The following EML6 variants were observed in gnomAD, a reference collection of about 807,000 sequenced individuals.
EML6 encodes the protein echinoderm microtubule-associated protein-like 6.
EML6 carries 154 observed loss-of-function variants against 240.1 expected under a neutral mutation model. The ratio of observed to expected loss-of-function variants is 0.64; its 90% CI spans 0.56 to 0.73. The LOEUF is 0.73. Among genes scored for constraint, EML6 ranks in the 30% least tolerant of loss-of-function variants. The pLI is 0.00. For missense variants in EML6, 2,964 were observed against 2,474.6 expected (o/e 1.20, Z -4.20); for synonymous variants, 1,148 against 899.0 (o/e 1.28, Z -4.95).
At position 54,892,608 on chromosome 2, in the gene EML6, A is replaced by G. The variant is rs367553815; in HGVS notation, c.2694A>G (p.Thr898=). The change falls in exon 19 of 42, where the codon ACA becomes ACG. Residue 898 remains threonine, a synonymous_variant. Coordinates refer to ENST00000356458, the MANE Select transcript of EML6 (RefSeq NM_001039753.4). ...FIWKDILLLK[T]VKAHDGPVFA... ...GGAAAGACATTCTACTACTGAAGAC[A>G]GTGAAAGCTCATGATGGGCCTGTGT... 331 of 1,551,738 alleles carry G rather than the reference A, an allele frequency of 2.1e-4. No individual in the cohort carries two copies. The highest frequency in any genetic ancestry group is 2.8e-4 in the Non-Finnish European group (318 of 1,146,916).
Position 54,894,899 on chromosome 2 carries a change from A to G in EML6, c.2743-16A>G, listed in dbSNP as rs1278329887. On this transcript the variant is annotated splice_polypyrimidine_tract_variant and intron_variant, in intron 19 of 41. Coordinates refer to ENST00000356458, the MANE Select transcript of EML6 (RefSeq NM_001039753.4). ...TTTTGATGTGTATATAATACCTCTC[A>G]TGTGTGCCTTCACAGGGCTTTGTAA... The G allele has an allele frequency of 2.0e-6, 3 of 1,529,112 alleles. No individual in the cohort carries two copies. Among genetic ancestry groups the G allele is most frequent in the South Asian group, 2.4e-5 (2 of 83,530 alleles). The allele number at this position is 1,529,112 out of a possible 1,614,324, so 94.7% of individuals were successfully genotyped here.
intron 30 of EML6, among the ~76,000 whole-genome samples, chr2:54,952,230 G>A (rs1209191818): frequency 6.6e-6 from 1 of 152,150 alleles, no homozygotes. Flanking sequence ...TGTGGACACT[G>A]AGAAGCACCA....
At chr2:54,765,347 A>G (rs1295321721) in intron 2 of EML6, among the ~76,000 whole-genome samples, 3 of 152,248 alleles carry the variant, frequency 2.0e-5, no homozygotes, top group Admixed American at 1.3e-4. Context: ...TGAATTATCT[A>G]TATCTATAAT....
At chr2:54,898,506 C>G (rs1672889805) in intron 21 of EML6, among the ~76,000 whole-genome samples, 1 of 152,156 alleles carries the variant, frequency 6.6e-6, no homozygotes, top group Non-Finnish European at 1.5e-5. Flanking sequence ...AGGGTGTCCT[C>G]AAATCCAATA....
chr2:54,879,487 G>A (rs1352039057), intron 16 of EML6, 60 bp from the exon 17 acceptor site: 2 of 1,057,988 alleles, frequency 1.9e-6, no homozygotes, highest in African/African-American at 1.6e-5. Flanking sequence ...TCTTTACAGT[G>A]TATGAAATGT....
At chr2:54,861,990 A>G (rs1670698329) in intron 12 of EML6, among the ~76,000 whole-genome samples, 1 of 152,180 alleles carries the variant, frequency 6.6e-6, no homozygotes, top group African/African-American at 2.4e-5. Context: ...CTTTAGAGAT[A>G]GAAGGTGTTT....
intron 2 of EML6, among the ~76,000 whole-genome samples, chr2:54,741,542 G>T (rs1420490791): frequency 2.6e-5 from 4 of 152,102 alleles, no homozygotes; most frequent in African/African-American, 9.7e-5. Flanking sequence ...CTAGCACCAA[G>T]AATTCAGTTT....
At chr2:54,969,370 G>T (rs941836715) in intron 41 of EML6, among the ~76,000 whole-genome samples, 1 of 152,168 alleles carries the variant, frequency 6.6e-6, no homozygotes, top group African/African-American at 2.4e-5. Flanking sequence ...GTCTGAGTTA[G>T]GTTGTAAGAA....
intron 25 of EML6, among the ~76,000 whole-genome samples, chr2:54,912,060 G>A (rs1203361717): frequency 2.0e-5 from 3 of 152,202 alleles, no homozygotes; most frequent in African/African-American, 4.8e-5. Flanking sequence ...CCTCTCCCTC[G>A]CTTCAGTTTG....
chr2:54,809,524 G>A (rs1177846545), intron 2 of EML6, among the ~76,000 whole-genome samples: 3 of 152,170 alleles, frequency 2.0e-5, no homozygotes, highest in Non-Finnish European at 2.9e-5. Context: ...CAGCATGGCT[G>A]GAGGGTGACT....
chr2:54,926,546 A>G (rs896205120), intron 26 of EML6, among the ~76,000 whole-genome samples: 1 of 152,272 alleles, frequency 6.6e-6, no homozygotes, highest in African/African-American at 2.4e-5. Context: ...TGGCTGTGCC[A>G]GGTCTTGAGG....
intron 2 of EML6, among the ~76,000 whole-genome samples, chr2:54,748,871 T>C (rs1479696067): frequency 6.6e-6 from 1 of 152,238 alleles, no homozygotes; most frequent in East Asian, 1.9e-4. Flanking sequence ...CCAGAATCCC[T>C]GGACTTCTAA....
At chr2:54,726,457 T>G (rs1682913144) in intron 2 of EML6, among the ~76,000 whole-genome samples, 1 of 149,206 alleles carries the variant, frequency 6.7e-6, no homozygotes, top group Non-Finnish European at 1.5e-5. Flanking sequence ...TTTTTTTTTC[T>G]GAGACCTAAA....
At chr2:54,859,866 G>C (rs1670583521) in intron 12 of EML6, among the ~76,000 whole-genome samples, 165 bp downstream of exon 12, 1 of 152,140 alleles carries the variant, frequency 6.6e-6, no homozygotes, top group Admixed American at 6.5e-5. Flanking sequence ...ATTAACATGG[G>C]TCAGTTGGAT....
intron 17 of EML6, 102 bp downstream of exon 17, chr2:54,879,742 G>A (rs960817799): frequency 4.0e-6 from 3 of 756,600 alleles, no homozygotes; most frequent in East Asian, 2.7e-5. Context: ...AAACTCAGGT[G>A]AAATTGACGT....
chr2:54,950,102 C>G (rs148520152), intron 29 of EML6, among the ~76,000 whole-genome samples: 90 of 152,206 alleles, frequency 5.9e-4, no homozygotes, highest in Non-Finnish European at 1.1e-3. Flanking sequence ...GAAGACAAGA[C>G]AGGAAGATGA....
chr2:54,911,155 A>C, intron 25 of EML6, 113 bp downstream of exon 25: 1 of 561,278 alleles, frequency 1.8e-6, no homozygotes, highest in Non-Finnish European at 3.2e-6. Flanking sequence ...CTATACCTTT[A>C]AGTTTGATCG....
At chr2:54,879,663 C>G (rs770659395) in intron 17 of EML6, 23 bp downstream of exon 17, 10 of 1,380,788 alleles carry the variant, frequency 7.2e-6, no homozygotes, top group East Asian at 2.5e-5. Context: ...CGGGATCTTA[C>G]GGTATCCTGC....
chr2:54,967,065 C>G lies in EML6; in HGVS notation c.5559C>G (p.Ala1853=), dbSNP rs774624867. ...EVPLGKQVTE[A]VVIEKITWAS... ...CCCTGGGGAAGCAGGTAACTGAAGCCGTGGTCATTGAGAAGATCACCTGGG... is the reference window on the plus strand; with the variant it reads ...CCCTGGGGAAGCAGGTAACTGAAGCGGTGGTCATTGAGAAGATCACCTGGG... The change falls in exon 39 of 42, where the codon GCC becomes GCG. Residue 1853 remains alanine (A), a synonymous_variant. Coordinates refer to ENST00000356458, the MANE Select transcript of EML6 (RefSeq NM_001039753.4). The G allele has an allele frequency of 1.9e-6, 3 of 1,551,414 alleles. No homozygotes were observed. The highest frequency in any genetic ancestry group is 2.7e-5 in the African/African-American group (2 of 73,140).
Sources: allele counts gnomAD v4.1 joint callset (sites outside exome capture counted in the v4.1 genomes callset), GRCh38; gene constraint gnomAD v4.1.1; transcripts MANE v1.5; gene names NCBI Gene and HGNC (gene_info 2026-07-23, HGNC 2026-07-21).